Variants in ERC1 observed in about 807,000 individuals in gnomAD.
ERC1 encodes ELKS/RAB6-interacting/CAST family member 1.
In ERC1, 56 loss-of-function variants were observed where a neutral mutation model predicts 132.0. The ratio of observed to expected loss-of-function variants is 0.42; its 90% CI spans 0.34 to 0.53. The LOEUF is 0.53. ERC1 is among the 20% of genes least tolerant of loss of function. The pLI is 0.03. For missense variants in ERC1, 1,202 were observed against 1,349.9 expected (o/e 0.89, Z 1.72); for synonymous variants, 478 against 476.1 (o/e 1.00, Z -0.05).
intron 6 of ERC1, among the ~76,000 whole-genome samples, chr12:1,112,883 A>G (rs953553977): frequency 8.5e-5 from 13 of 152,194 alleles, no homozygotes; most frequent in African/African-American, 3.1e-4. Flanking sequence ...TAAAATTTCA[A>G]TTCAGAACAT....
chr12:1,029,324 T>C (rs1967543381), intron 2 of ERC1, among the ~76,000 whole-genome samples: 1 of 152,012 alleles, frequency 6.6e-6, no homozygotes, highest in Non-Finnish European at 1.5e-5. Flanking sequence ...TGCACTCCAG[T>C]CTGGAGTGAG....
chr12:1,410,448 A>G, intron 17 of ERC1: 1 of 1,304,018 alleles, frequency 7.7e-7, no homozygotes, highest in South Asian at 1.2e-5. Flanking sequence ...CATTTTGTTC[A>G]GAACGGTGAG....
intron 12 of ERC1, chr12:1,204,457 C>G (rs1229968221): frequency 3.3e-6 from 5 of 1,533,220 alleles, no homozygotes; most frequent in Non-Finnish European, 4.4e-6. Flanking sequence ...TTCTTTCTAA[C>G]TTTCTTTTTC....
At chr12:1,463,279 T>A (rs1024614760) in intron 18 of ERC1, among the ~76,000 whole-genome samples, 1 of 152,136 alleles carries the variant, frequency 6.6e-6, no homozygotes, top group East Asian at 1.9e-4. Flanking sequence ...ACCGCATCAA[T>A]CATCAGTCAC....
At chr12:1,448,783 C>T (rs2093362875) in intron 18 of ERC1, among the ~76,000 whole-genome samples, 1 of 152,268 alleles carries the variant, frequency 6.6e-6, no homozygotes, top group African/African-American at 2.4e-5. Flanking sequence ...CCTACACAGT[C>T]CCCACTGGGG....
chr12:1,230,004 C>CTTTTTT (rs754220477), intron 12 of ERC1, among the ~76,000 whole-genome samples: 59 of 107,770 alleles, frequency 5.5e-4, no homozygotes, highest in East Asian at 7.5e-4. Context: ...CTTTTTGACT[C>CTTTTTT]TTTTTTTTTT....
At chr12:1,354,207 A>G (rs77082078) in intron 15 of ERC1, among the ~76,000 whole-genome samples, 2,476 of 152,132 alleles carry the variant, frequency 0.016, 37 homozygotes, top group Non-Finnish European at 0.025. Flanking sequence ...CCCCAGATTC[A>G]TAAGGTTGAT....
intron 15 of ERC1, among the ~76,000 whole-genome samples, chr12:1,314,582 C>T (rs561096790): frequency 6.6e-6 from 1 of 152,278 alleles, no homozygotes; most frequent in South Asian, 2.1e-4. Context: ...TTGACAAGCA[C>T]ACAATGATTG....
chr12:1,485,265 C>T (rs964496063), intron 18 of ERC1, among the ~76,000 whole-genome samples: 27 of 133,058 alleles, frequency 2.0e-4, no homozygotes, highest in Admixed American at 1.8e-3. Flanking sequence ...AGTGCAGTGG[C>T]GTGATCTTAG....
At chr12:1,276,513 A>G (rs549456154) in intron 14 of ERC1, among the ~76,000 whole-genome samples, 4 of 151,216 alleles carry the variant, frequency 2.6e-5, no homozygotes, top group African/African-American at 9.7e-5. Context: ...TGCTGGGATT[A>G]CTGGCGTGAG....
chr12:1,387,116 G>A (rs985799648), intron 16 of ERC1: 4 of 119,298 alleles, frequency 3.4e-5, no homozygotes, highest in Admixed American at 2.2e-4. Flanking sequence ...GTTGTATTTT[G>A]GAACCTGATA....
chr12:1,101,252 G>T (rs1944624777), intron 3 of ERC1, among the ~76,000 whole-genome samples: 1 of 152,128 alleles, frequency 6.6e-6, no homozygotes, highest in African/African-American at 2.4e-5. Context: ...TAAATACATA[G>T]GTCCCAGAGC....
At chr12:1,300,852 G>T (rs2154344979) in intron 15 of ERC1, among the ~76,000 whole-genome samples, 1 of 152,162 alleles carries the variant, frequency 6.6e-6, no homozygotes, top group East Asian at 1.9e-4. Flanking sequence ...CTGTCGGTGG[G>T]AGTATAAATT....
At chr12:1,075,640 G>T (rs1451474742) in intron 2 of ERC1, among the ~76,000 whole-genome samples, 1 of 151,956 alleles carries the variant, frequency 6.6e-6, no homozygotes, top group Admixed American at 6.6e-5. Flanking sequence ...GCAGTGAGCT[G>T]AGATTGTGCC....
chr12:1,400,922 T>TATTATTATTA (rs1566775133), intron 16 of ERC1, among the ~76,000 whole-genome samples: 4 of 55,928 alleles, frequency 7.2e-5, no homozygotes, highest in African/African-American at 5.4e-4. Context: ...TTGTATTTTT[T>TATTATTATTA]TTTTTTTTTT....
intron 15 of ERC1, 152 bp downstream of exon 15, chr12:1,290,164 A>G (rs988266379): frequency 1.5e-6 from 1 of 655,808 alleles, no homozygotes; most frequent in Non-Finnish European, 2.6e-6. Context: ...AAATTTGGTC[A>G]AAGGTGGAAC....
At chr12:1,416,988 A>G (rs769624799) in intron 17 of ERC1, among the ~76,000 whole-genome samples, 1 of 151,966 alleles carries the variant, frequency 6.6e-6, no homozygotes, top group Non-Finnish European at 1.5e-5. Context: ...CTTGGCTCTC[A>G]TTTAATGGGA....
At chr12:1,113,336 C>T (rs1193649883) in intron 6 of ERC1, among the ~76,000 whole-genome samples, 1 of 152,196 alleles carries the variant, frequency 6.6e-6, no homozygotes, top group Non-Finnish European at 1.5e-5. Flanking sequence ...ATATTATCAA[C>T]TCCAAATTAT....
intron 1 of ERC1, among the ~76,000 whole-genome samples, chr12:1,025,794 G>GTTTTTTTT (rs1172351394): frequency 3.1e-5 from 4 of 127,608 alleles, no homozygotes; most frequent in African/African-American, 9.0e-5. Context: ...AAAAAGGAAA[G>GTTTTTTTT]TTTTTTTTTT....
Sources: gnomAD v4.1 joint callset for allele counts (sites outside exome capture counted in the v4.1 genomes callset) on GRCh38, gnomAD v4.1.1 for gene constraint, MANE v1.5 for transcripts, NCBI Gene and HGNC (gene_info 2026-07-23, HGNC 2026-07-21) for gene names.